Variants in HS6ST3 observed in about 807,000 individuals in gnomAD.
HS6ST3 encodes heparan-sulfate 6-O-sulfotransferase 3.
HS6ST3 carries 12 observed loss-of-function variants against 36.7 expected under a neutral mutation model. That is an observed-to-expected ratio of 0.33 (90% CI 0.21 to 0.53). HS6ST3 has a LOEUF of 0.53. Ranked by LOEUF, HS6ST3 falls within the 20% of genes least tolerant of loss-of-function variation. HS6ST3 has a pLI of 0.95. For missense variants in HS6ST3, 584 were observed against 640.9 expected (o/e 0.91, Z 0.96); for synonymous variants, 240 against 257.5 (o/e 0.93, Z 0.65).
At chr13:96,551,547 C>A (rs1264669130) in intron 1 of HS6ST3, among the ~76,000 whole-genome samples, 1 of 152,056 alleles carries the variant, frequency 6.6e-6, no homozygotes, top group Admixed American at 6.6e-5. Context: ...GGATAAAAAC[C>A]ACAAATACAC....
chr13:96,777,820 CTACTT>C (rs1239829622), intron 1 of HS6ST3, among the ~76,000 whole-genome samples: 4 of 152,164 alleles, frequency 2.6e-5, no homozygotes, highest in African/African-American at 9.7e-5. Flanking sequence ...TTGGAAAAGA[CTACTT>C]TAAATTTCAT....
chr13:96,783,260 G>C (rs971231715), intron 1 of HS6ST3, among the ~76,000 whole-genome samples: 2 of 152,156 alleles, frequency 1.3e-5, no homozygotes, highest in Admixed American at 1.3e-4. Context: ...TTGAGCTCCT[G>C]AACTGGGCTG....
intron 1 of HS6ST3, among the ~76,000 whole-genome samples, chr13:96,758,256 C>A (rs1442064189): frequency 2.0e-5 from 3 of 151,862 alleles, no homozygotes; most frequent in Non-Finnish European, 4.4e-5. Context: ...CTTCTCCATA[C>A]TGAATCTATT....
chr13:96,379,234 T>G (rs1307539716), intron 1 of HS6ST3, among the ~76,000 whole-genome samples: 2 of 152,218 alleles, frequency 1.3e-5, no homozygotes, highest in East Asian at 3.8e-4. Context: ...TCTGAATGTT[T>G]GTGTCCTCCC....
intron 1 of HS6ST3, among the ~76,000 whole-genome samples, chr13:96,652,195 A>G (rs2139013316): frequency 6.6e-6 from 1 of 152,208 alleles, no homozygotes; most frequent in South Asian, 2.1e-4. Context: ...ATACTGTATT[A>G]AAACTCTACC....
intron 1 of HS6ST3, among the ~76,000 whole-genome samples, chr13:96,355,358 TAC>T (rs66509801): frequency 0.15 from 21,464 of 140,042 alleles, 1,616 homozygotes; most frequent in East Asian, 0.31. Context: ...AGTCTATAGT[TAC>T]ACACACACAC....
rs200130324 is a variant in HS6ST3, at chr13:96,318,952, T to TA, written c.707+227391dup. Among the ~76,000 whole-genome samples the TA allele has an allele frequency of 8.0e-4, 121 of 152,120 alleles. 2 individuals carry two copies. Among genetic ancestry groups the TA allele is most frequent in the African/African-American group, 2.6e-3 (109 of 41,502 alleles). On this transcript the variant is annotated intron_variant, in intron 1 of 1. Transcript: ENST00000376705. ...TCTGCCTTAATATCTGTCCTTAGCT[T>TA]AAAAAAAATAGCCTTATTAAGATAT...
rs1594871415 is a variant in HS6ST3 at position 96,835,051 on chromosome 13, G to A, written c.*1853G>A. On this transcript the variant is annotated 3_prime_UTR_variant, in exon 2 of 2. Transcript: ENST00000376705. Reference sequence around the variant, plus strand: ...AAATAGTGAAGCCCACAGAAAATAAGTAGCTCCTCCACAGGTTGTAAGCTA... The same window carrying A: ...AAATAGTGAAGCCCACAGAAAATAAATAGCTCCTCCACAGGTTGTAAGCTA... 6.6e-6 allele frequency: 1 copy of A among 152,156 alleles called. No individual in the cohort carries two copies. Among genetic ancestry groups the A allele is most frequent in the East Asian group, 1.9e-4 (1 of 5,192 alleles). 9.4% of individuals were successfully genotyped at this position (152,156 alleles called of 1,614,324 possible).
At chr13:96,638,949 T>C (rs2056560049) in intron 1 of HS6ST3, among the ~76,000 whole-genome samples, 1 of 152,034 alleles carries the variant, frequency 6.6e-6, no homozygotes, top group African/African-American at 2.4e-5. Context: ...AATATGCATT[T>C]AAAATCATTG....
At chr13:96,568,927 A>G (rs773950117) in intron 1 of HS6ST3, among the ~76,000 whole-genome samples, 1 of 152,172 alleles carries the variant, frequency 6.6e-6, no homozygotes, top group Non-Finnish European at 1.5e-5. Context: ...AATCATCCAT[A>G]AGTGTGGAAT....
intron 1 of HS6ST3, among the ~76,000 whole-genome samples, chr13:96,447,802 C>G (rs1052228894): frequency 2.6e-5 from 4 of 152,170 alleles, no homozygotes; most frequent in African/African-American, 7.2e-5. Context: ...TAGGAGTTTC[C>G]TCTCTTGGCT....
intron 1 of HS6ST3, among the ~76,000 whole-genome samples, chr13:96,661,045 G>T (rs1206639454): frequency 1.3e-5 from 2 of 152,128 alleles, no homozygotes; most frequent in Non-Finnish European, 2.9e-5. Flanking sequence ...TATACTAGTG[G>T]TTTTTCTGGG....
intron 1 of HS6ST3, among the ~76,000 whole-genome samples, chr13:96,564,696 T>G (rs2056274729): frequency 6.6e-6 from 1 of 152,206 alleles, no homozygotes; most frequent in East Asian, 1.9e-4. Flanking sequence ...CTCGCTACAC[T>G]GATTCTTCCC....
chr13:96,108,830 T>C (rs1428711202), intron 1 of HS6ST3, among the ~76,000 whole-genome samples: 3 of 152,136 alleles, frequency 2.0e-5, no homozygotes, highest in Non-Finnish European at 4.4e-5. Context: ...TGAATCCTGC[T>C]CTGTAGAGAA....
chr13:96,732,285 T>C (rs1210859163), intron 1 of HS6ST3, among the ~76,000 whole-genome samples: 1 of 152,356 alleles, frequency 6.6e-6, no homozygotes, highest in Non-Finnish European at 1.5e-5. Flanking sequence ...GAGTTGTTTA[T>C]GTTTTCTTCT....
At chr13:96,504,774 T>C (rs919720851) in intron 1 of HS6ST3, among the ~76,000 whole-genome samples, 5 of 152,136 alleles carry the variant, frequency 3.3e-5, no homozygotes, top group African/African-American at 1.2e-4. Flanking sequence ...CATGTTGTGA[T>C]ATCAGCAAGT....
intron 1 of HS6ST3, among the ~76,000 whole-genome samples, chr13:96,335,106 G>A (rs1204217884): frequency 6.6e-6 from 1 of 152,144 alleles, no homozygotes; most frequent in African/African-American, 2.4e-5. Context: ...GACATGAGGA[G>A]GGTGTTTGTT....
At chr13:96,193,351 C>T (rs552014629) in intron 1 of HS6ST3, among the ~76,000 whole-genome samples, 9 of 152,228 alleles carry the variant, frequency 5.9e-5, no homozygotes, top group East Asian at 5.8e-4. Context: ...GCTCCCACTG[C>T]GTACTTGATT....
chr13:96,707,576 G>A (rs1016757501), intron 1 of HS6ST3, among the ~76,000 whole-genome samples: 1 of 152,160 alleles, frequency 6.6e-6, no homozygotes, highest in African/African-American at 2.4e-5. Flanking sequence ...CATTTAGCCA[G>A]GCCTGACTCC....
Sources: allele counts gnomAD v4.1 joint callset (sites outside exome capture counted in the v4.1 genomes callset), GRCh38; gene constraint gnomAD v4.1.1; transcripts MANE v1.5; gene names NCBI Gene and HGNC (gene_info 2026-07-23, HGNC 2026-07-21).